The following DAAM1 variants were observed in gnomAD, a reference collection of about 807,000 sequenced individuals.
DAAM1 encodes the protein dishevelled associated activator of morphogenesis 1.
In DAAM1, 52 loss-of-function variants were observed where a neutral mutation model predicts 130.0. The ratio of observed to expected loss-of-function variants is 0.40; its 90% confidence interval spans 0.32 to 0.50. The LOEUF (loss-of-function observed/expected upper bound fraction) is 0.50. Among genes scored for constraint, DAAM1 ranks in the 20% least tolerant of loss-of-function variants. DAAM1 has a pLI of 0.61. For missense variants in DAAM1, 1,134 were observed against 1,303.8 expected (o/e 0.87, Z 2.01); for synonymous variants, 452 against 444.5 (o/e 1.02, Z -0.21).
intron 20 of DAAM1, 47 bp downstream of exon 20, chr14:59,355,380 C>T (rs1414936435): frequency 6.2e-7 from 1 of 1,607,684 alleles, no homozygotes; most frequent in East Asian, 2.2e-5. Context: ...GTGTGTAGGT[C>T]CAGGCTCAGA....
chr14:59,350,365 C>A (rs1045049282), intron 17 of DAAM1, among the ~76,000 whole-genome samples: 1 of 151,956 alleles, frequency 6.6e-6, no homozygotes, highest in Admixed American at 6.6e-5. Flanking sequence ...ATAAACACAC[C>A]CCTACATACA....
chr14:59,368,774 C>G lies in DAAM1; in HGVS notation c.3122C>G (p.Ser1041Cys). Residue 1041 changes from serine (S) to cysteine (C), a missense_variant, in exon 25 of 25, where the codon TCT (serine) becomes TGT (cysteine). Coordinates refer to ENST00000360909, the MANE Select transcript of DAAM1 (RefSeq NM_001270520.2). ...RSGEVFDKDL[S>C]KLKRNRKRIT... Reference sequence around the variant, plus strand: ...GGAGAAGTGTTTGACAAAGACCTTTCTAAATTGAAACGGAATCGCAAACGT... The same window carrying G: ...GGAGAAGTGTTTGACAAAGACCTTTGTAAATTGAAACGGAATCGCAAACGT... The G allele has an allele frequency of 6.2e-7, 1 of 1,613,910 alleles. No individual in the cohort carries two copies. The highest frequency in any genetic ancestry group is 2.2e-5 in the East Asian group (1 of 44,880).
intron 1 of DAAM1, among the ~76,000 whole-genome samples, chr14:59,211,516 C>G (rs184822876): frequency 6.6e-6 from 1 of 152,254 alleles, no homozygotes; most frequent in Non-Finnish European, 1.5e-5. Flanking sequence ...TTGTCTTCTC[C>G]CAAAACATCA....
intron 24 of DAAM1, among the ~76,000 whole-genome samples, chr14:59,368,190 G>GT (rs1464405301): frequency 1.5e-5 from 2 of 136,318 alleles, no homozygotes; most frequent in Non-Finnish European, 3.2e-5. Flanking sequence ...CAATGTGTAT[G>GT]TATTAGTTGG....
chr14:59,346,874 A>T (rs921604746), intron 16 of DAAM1, among the ~76,000 whole-genome samples: 1 of 152,176 alleles, frequency 6.6e-6, no homozygotes, highest in Non-Finnish European at 1.5e-5. Context: ...TTTTGCTTAA[A>T]TCCTTCCCTA....
intron 1 of DAAM1, among the ~76,000 whole-genome samples, chr14:59,193,386 A>G (rs1887791625): frequency 6.6e-6 from 1 of 152,192 alleles, no homozygotes; most frequent in African/African-American, 2.4e-5. Flanking sequence ...GGACAGACGA[A>G]CATGAGATTC....
At chr14:59,235,427 G>A (rs1298427144) in intron 1 of DAAM1, among the ~76,000 whole-genome samples, 3 of 152,160 alleles carry the variant, frequency 2.0e-5, no homozygotes, top group Admixed American at 2.0e-4. Context: ...TTGTTTATTT[G>A]CATAGAGGTG....
intron 5 of DAAM1, 40 bp from the exon 6 acceptor site, chr14:59,322,852 C>G: frequency 6.5e-7 from 1 of 1,528,568 alleles, no homozygotes. Flanking sequence ...ATTATAAAAC[C>G]CAAAGGCACT....
At chr14:59,199,313 G>A (rs117280000) in intron 1 of DAAM1, among the ~76,000 whole-genome samples, 3,156 of 152,158 alleles carry the variant, frequency 0.021, 68 homozygotes, top group Non-Finnish European at 0.027. Flanking sequence ...TTGACATGAG[G>A]TCTTGAACTC....
chr14:59,213,783 G>T (rs1888498520), intron 1 of DAAM1, among the ~76,000 whole-genome samples: 1 of 152,214 alleles, frequency 6.6e-6, no homozygotes, highest in African/African-American at 2.4e-5. Context: ...ACACAGAAGA[G>T]CTGATGCTGC....
chr14:59,368,560 C>A, intron 24 of DAAM1, 90 bp from the exon 25 acceptor site: 2 of 1,318,502 alleles, frequency 1.5e-6, no homozygotes, highest in Non-Finnish European at 2.1e-6. Flanking sequence ...GTGTCTGGAG[C>A]ATTACCATAT....
At chr14:59,214,714 G>A (rs1037888138) in intron 1 of DAAM1, among the ~76,000 whole-genome samples, 3 of 152,024 alleles carry the variant, frequency 2.0e-5, no homozygotes, top group African/African-American at 7.2e-5. Context: ...ATAATATTCT[G>A]TTTTATAGAT....
intron 1 of DAAM1, among the ~76,000 whole-genome samples, chr14:59,191,789 AAGAG>A (rs1044301071): frequency 2.0e-5 from 3 of 152,132 alleles, no homozygotes; most frequent in Non-Finnish European, 2.9e-5. Context: ...GAGAGACACC[AAGAG>A]AAAGATACCC....
intron 2 of DAAM1, among the ~76,000 whole-genome samples, chr14:59,266,587 A>G (rs1176392600): frequency 6.6e-6 from 1 of 152,222 alleles, no homozygotes; most frequent in Non-Finnish European, 1.5e-5. Flanking sequence ...TTGGAGAACA[A>G]ATTATCTTGA....
chr14:59,257,922 T>C (rs1881983278), intron 1 of DAAM1, among the ~76,000 whole-genome samples: 1 of 152,196 alleles, frequency 6.6e-6, no homozygotes, highest in Admixed American at 6.5e-5. Flanking sequence ...AGGTCTCAGC[T>C]TAAATGCATG....
chr14:59,346,079 T>C (rs538900884), intron 16 of DAAM1, among the ~76,000 whole-genome samples: 16 of 149,248 alleles, frequency 1.1e-4, no homozygotes, highest in East Asian at 2.0e-4. Context: ...CTAAGCACTT[T>C]ACGTGCATTC....
chr14:59,345,702 C>T (rs935989726), intron 16 of DAAM1, among the ~76,000 whole-genome samples: 8 of 152,206 alleles, frequency 5.3e-5, no homozygotes, highest in African/African-American at 1.9e-4. Context: ...TCACCTTCAT[C>T]TGCAAGCCCA....
intron 1 of DAAM1, among the ~76,000 whole-genome samples, chr14:59,216,706 C>T (rs1029827932): frequency 9.9e-5 from 15 of 150,990 alleles, no homozygotes; most frequent in South Asian, 2.1e-4. Context: ...AGGGAGAGAG[C>T]GAGACTCTGT....
rs556845294 is a variant in DAAM1, at chr14:59,263,322, C to T, written c.-37-119C>T. On this transcript the variant is annotated intron_variant, in intron 1 of 24. Coordinates refer to ENST00000360909, the MANE Select transcript of DAAM1 (RefSeq NM_001270520.2). The stretch of plus-strand genomic sequence containing the variant: ...CCACTCGGTGTTGTTCTCTCTGTGC[C>T]CTGCAGGGCGCACACAGTGTCGTCA... 2.3e-5 allele frequency: 18 copies of T among 789,848 alleles called. No individual in the cohort carries two copies. In the South Asian group the frequency reaches 3.1e-4, roughly 13 times the overall value. 48.9% of individuals were successfully genotyped at this position (789,848 alleles called of 1,614,324 possible).
Sources: gnomAD v4.1 joint callset for allele counts (sites outside exome capture counted in the v4.1 genomes callset) on GRCh38, gnomAD v4.1.1 for gene constraint, MANE v1.5 for transcripts, NCBI Gene and HGNC (gene_info 2026-07-23, HGNC 2026-07-21) for gene names.